GPC5: variants seen among roughly 807,000 people sequenced by gnomAD.
The protein encoded by GPC5 is glypican-5.
A neutral mutation model predicts 53.9 loss-of-function variants in GPC5; 47 were observed. The ratio of observed to expected loss-of-function variants is 0.87; its 90% CI spans 0.69 to 1.11. GPC5 has a LOEUF of 1.11. Ranked by LOEUF, GPC5 falls within the 50% of genes most tolerant of loss-of-function variation. The pLI is 0.00. For synonymous variants in GPC5, 286 were observed against 263.3 expected (o/e 1.09, Z -0.84); for missense variants, 748 against 713.1 (o/e 1.05, Z -0.56).
At chr13:92,003,420 T>C (rs2040575140) in intron 6 of GPC5, among the ~76,000 whole-genome samples, 1 of 149,124 alleles carries the variant, frequency 6.7e-6, no homozygotes, top group African/African-American at 2.5e-5. Context: ...CTCCAATCCA[T>C]AGAACATCAG....
chr13:91,957,857 C>T (rs1260562808), intron 6 of GPC5, among the ~76,000 whole-genome samples: 2 of 151,876 alleles, frequency 1.3e-5, no homozygotes, highest in Admixed American at 1.3e-4. Flanking sequence ...AAAATTTAAA[C>T]CCCCGGTTAG....
chr13:92,793,927 G>A (rs991475102), intron 7 of GPC5, among the ~76,000 whole-genome samples: 12 of 152,152 alleles, frequency 7.9e-5, no homozygotes, highest in Admixed American at 5.9e-4. Context: ...AGGACCAGAC[G>A]GATTCACAGC....
At chr13:92,846,740 A>G (rs762557210) in intron 7 of GPC5, among the ~76,000 whole-genome samples, 3 of 152,244 alleles carry the variant, frequency 2.0e-5, no homozygotes, top group South Asian at 2.1e-4. Context: ...ACCAATATTT[A>G]GATAACTTCT....
At chr13:92,070,209 C>T (rs1431067670) in intron 6 of GPC5, among the ~76,000 whole-genome samples, 2 of 152,114 alleles carry the variant, frequency 1.3e-5, no homozygotes, top group African/African-American at 4.8e-5. Context: ...ATGGGGACTG[C>T]GATACTACCT....
intron 6 of GPC5, among the ~76,000 whole-genome samples, chr13:92,004,612 C>T (rs1220498924): frequency 6.6e-6 from 1 of 150,714 alleles, no homozygotes; most frequent in Non-Finnish European, 1.5e-5. Context: ...TCACAATTTA[C>T]ATTAGTACAT....
intron 2 of GPC5, among the ~76,000 whole-genome samples, chr13:91,610,636 T>A (rs535974264): frequency 8.2e-4 from 125 of 152,338 alleles, no homozygotes; most frequent in Admixed American, 1.2e-3. Context: ...CTTTACTGTT[T>A]AGTTGATTTC....
intron 5 of GPC5, among the ~76,000 whole-genome samples, chr13:91,762,083 A>G (rs1024800924): frequency 2.6e-5 from 4 of 152,322 alleles, no homozygotes; most frequent in African/African-American, 7.2e-5. Flanking sequence ...TTTCTACTTC[A>G]TCTTGATTAA....
At chr13:92,166,921 GTCTCTCTCTCTCTCTC>G (rs35310453) in intron 7 of GPC5, among the ~76,000 whole-genome samples, 58 of 128,510 alleles carry the variant, frequency 4.5e-4, no homozygotes, top group African/African-American at 1.7e-3. Context: ...ATAAGTCTCA[GTCTCTCTCTCTCTCTC>G]TCTCTCTCTC....
At chr13:91,519,375 G>A (rs1885681138) in intron 2 of GPC5, among the ~76,000 whole-genome samples, 2 of 151,938 alleles carry the variant, frequency 1.3e-5, no homozygotes. Flanking sequence ...CAAATTTCAT[G>A]TTGAATTATG....
chr13:92,128,251 ATTACTC>A (rs1479765115), intron 6 of GPC5, among the ~76,000 whole-genome samples: 1 of 152,064 alleles, frequency 6.6e-6, no homozygotes, highest in African/African-American at 2.4e-5. Flanking sequence ...GCCAAAGTAA[ATTACTC>A]TCCCAGCACC....
At chr13:92,599,365 A>G (rs1883974892) in intron 7 of GPC5, among the ~76,000 whole-genome samples, 1 of 152,178 alleles carries the variant, frequency 6.6e-6, no homozygotes, top group South Asian at 2.1e-4. Context: ...GAGTAATGAG[A>G]AAAGTCGGCT....
intron 6 of GPC5, among the ~76,000 whole-genome samples, chr13:92,134,385 T>C (rs898234185): frequency 9.2e-5 from 14 of 152,122 alleles, no homozygotes; most frequent in African/African-American, 3.4e-4. Flanking sequence ...AACTGTACAT[T>C]TGGGGAAAAC....
intron 6 of GPC5, among the ~76,000 whole-genome samples, chr13:92,115,488 A>G (rs548610826): frequency 1.3e-5 from 2 of 152,122 alleles, no homozygotes; most frequent in Non-Finnish European, 2.9e-5. Flanking sequence ...CTGGCAACAG[A>G]ATGAGACTCC....
At chr13:91,422,766 C>T (rs1256926262) in intron 1 of GPC5, among the ~76,000 whole-genome samples, 1 of 152,132 alleles carries the variant, frequency 6.6e-6, no homozygotes, top group Non-Finnish European at 1.5e-5. Context: ...CAGGTCATCA[C>T]ATAACAAGAG....
intron 3 of GPC5, among the ~76,000 whole-genome samples, chr13:91,718,099 TTTGTTGTTGTTG>T (rs200812685): frequency 6.6e-6 from 1 of 151,236 alleles, no homozygotes; most frequent in African/African-American, 2.4e-5. Context: ...TCCCCTAATC[TTTGTTGTTGTTG>T]TTGTTGTTGT....
intron 7 of GPC5, among the ~76,000 whole-genome samples, chr13:92,587,169 AT>A (rs1266939425): frequency 1.3e-5 from 2 of 152,208 alleles, no homozygotes; most frequent in African/African-American, 4.8e-5. Context: ...TATTAAAAAA[AT>A]GGAAGAAAAA....
chr13:92,784,096 T>C (rs1876129506), intron 7 of GPC5, among the ~76,000 whole-genome samples: 1 of 152,206 alleles, frequency 6.6e-6, no homozygotes, highest in African/African-American at 2.4e-5. Context: ...GAGTGTTTCA[T>C]GGGAAATATC....
In GPC5 at chr13:91,950,745, A is replaced by G. The variant is rs73612912; in HGVS notation, c.1401+42688A>G. Among the ~76,000 whole-genome samples the G allele has an allele frequency of 4.0e-3, 603 of 152,296 alleles. 5 individuals are homozygous for G. The highest frequency in any genetic ancestry group is 0.014 in the African/African-American group (571 of 41,562). On this transcript the variant is annotated intron_variant, in intron 6 of 7. Transcript: ENST00000377067. The stretch of plus-strand genomic sequence containing the variant: ...CTAGTGAATGTTTTTAGTATTTGCT[A>G]TATGCCAATAGCTCTTCTAAGTAAA...
chr13:92,664,975 T>A lies in GPC5; in HGVS notation c.1562-201307T>A, dbSNP rs187024655. Among the ~76,000 whole-genome samples the A allele has an allele frequency of 1.4e-3, 219 of 152,294 alleles. 1 individual carries two copies. The highest frequency in any genetic ancestry group is 2.6e-3 in the Non-Finnish European group (176 of 68,026). ...AATATTATGCAGATGTTATAAAGGA[T>A]ATGTTAATACAAATGTGATCAATAA... On this transcript the variant is annotated intron_variant, in intron 7 of 7. Transcript: ENST00000377067.
Sources: allele counts gnomAD v4.1 joint callset (sites outside exome capture counted in the v4.1 genomes callset), GRCh38; gene constraint gnomAD v4.1.1; transcripts MANE v1.5; gene names NCBI Gene and HGNC (gene_info 2026-07-23, HGNC 2026-07-21).